The following ZDHHC3 variants were observed in gnomAD, a reference collection of about 807,000 sequenced individuals.
ZDHHC3 encodes zDHHC palmitoyltransferase 3.
A neutral mutation model predicts 30.6 loss-of-function variants in ZDHHC3; 9 were observed. The observed-to-expected ratio is 0.29, with a 90% CI of 0.18 to 0.51. The LOEUF (loss-of-function observed/expected upper bound fraction) is 0.51, where lower values mean the gene tolerates loss of function less well. Ranked by LOEUF, ZDHHC3 falls within the 20% of genes least tolerant of loss-of-function variation. The probability of loss-of-function intolerance (pLI) is 0.97; values close to 1 mark genes in which losing one functional copy is unlikely to be tolerated. For synonymous variants in ZDHHC3, 136 were observed against 140.2 expected, an observed-to-expected ratio of 0.97 and a Z score of 0.21; for missense variants, 246 against 384.2, an observed-to-expected ratio of 0.64 and a Z score of 3.01.
At chr3:44,941,477 A>G (rs2125854383) in intron 3 of ZDHHC3, among the ~76,000 whole-genome samples, 1 of 152,298 alleles carries the variant, frequency 6.6e-6, no homozygotes, top group South Asian at 2.1e-4. Flanking sequence ...TGCTTTAAAA[A>G]CAATACTAGT....
At chr3:44,973,070 A>G (rs1394386424) in intron 1 of ZDHHC3, among the ~76,000 whole-genome samples, 1 of 152,254 alleles carries the variant, frequency 6.6e-6, no homozygotes, top group Non-Finnish European at 1.5e-5. Flanking sequence ...GCAACATCCC[A>G]TCAGCACCAC....
chr3:44,920,369 C>A lies in ZDHHC3; in HGVS notation c.*6320G>T, dbSNP rs1575749837. ...AGAAAGAGGCTTTAACTTCATAGCA[C>A]GAGAGCTGGGACATCACCATATGGC... On this transcript the variant is annotated 3_prime_UTR_variant, in exon 7 of 7. Coordinates refer to ENST00000424952, the MANE Select transcript of ZDHHC3 (RefSeq NM_001135179.2). The A allele has an allele frequency of 1.6e-6, 2 of 1,289,348 alleles. No individual in the cohort carries two copies. The highest frequency in any genetic ancestry group is 2.0e-6 in the Non-Finnish European group (2 of 988,536). The allele number at this position is 1,289,348 out of a possible 1,614,324, so 79.9% of individuals were successfully genotyped here.
chr3:44,955,306 A>G (rs886207100), intron 2 of ZDHHC3, among the ~76,000 whole-genome samples: 1 of 152,082 alleles, frequency 6.6e-6, no homozygotes, highest in Non-Finnish European at 1.5e-5. Flanking sequence ...TTCAAGCTCT[A>G]TGTGGACCTA....
At position 44,960,563 on chromosome 3, in the gene ZDHHC3, G is replaced by C. The variant is rs116611036; in HGVS notation, c.-24-1103C>G. On this transcript the variant is annotated intron_variant, in intron 1 of 6. Coordinates refer to ENST00000424952, the MANE Select transcript of ZDHHC3 (RefSeq NM_001135179.2). ...TGTGCTGCAAGACACAGAAAGCATAGATTTCCCTTCTCTTCTTTTTTCTTA... is the reference window on the plus strand; with the variant it reads ...TGTGCTGCAAGACACAGAAAGCATACATTTCCCTTCTCTTCTTTTTTCTTA... Among the ~76,000 whole-genome samples the C allele has an allele frequency of 4.8e-3, 733 of 152,320 alleles. 5 individuals carry two copies. Among genetic ancestry groups the C allele is most frequent in the African/African-American group, 0.017 (705 of 41,560 alleles).
chr3:44,943,362 C>T (rs1559684124), intron 3 of ZDHHC3, among the ~76,000 whole-genome samples: 1 of 152,162 alleles, frequency 6.6e-6, no homozygotes, highest in Admixed American at 6.5e-5. Context: ...GCCATCCCTG[C>T]AGCAATCCCG....
chr3:44,962,207 T>C (rs896008010), intron 1 of ZDHHC3, among the ~76,000 whole-genome samples: 1 of 152,170 alleles, frequency 6.6e-6, no homozygotes, highest in Admixed American at 6.5e-5. Context: ...TCACTGAAAA[T>C]AAATTTTAGA....
In ZDHHC3 at chr3:44,975,010, T is replaced by C. The variant is rs1705771291; in HGVS notation, c.-25+923A>G. On this transcript the variant is annotated intron_variant, in intron 1 of 6. Coordinates refer to ENST00000424952, the MANE Select transcript of ZDHHC3 (RefSeq NM_001135179.2). ...AAGCCTATCTATAGTAGGCTCCCAA[T>C]AGTTATCTGAAACTGTATTTGAACC... is the stretch of plus-strand genomic sequence containing the variant. Among the ~76,000 whole-genome samples, 3 of 151,978 alleles carry C rather than the reference T, an allele frequency of 2.0e-5. No individual in the cohort carries two copies. In the South Asian group the frequency reaches 6.2e-4, roughly 32 times the overall value.
intron 2 of ZDHHC3, among the ~76,000 whole-genome samples, chr3:44,949,748 G>A (rs1176528059): frequency 1.3e-5 from 2 of 152,200 alleles, no homozygotes; most frequent in African/African-American, 2.4e-5. Flanking sequence ...AGACCACATG[G>A]CATAAGTGGA....
At chr3:44,949,622 T>G (rs79865438) in intron 2 of ZDHHC3, among the ~76,000 whole-genome samples, 5,139 of 152,298 alleles carry the variant, frequency 0.034, 246 homozygotes, top group African/African-American at 0.11. Context: ...TCAACTTTCC[T>G]GAGGCTTGTA....
intron 6 of ZDHHC3, among the ~76,000 whole-genome samples, 196 bp from the exon 7 acceptor site, chr3:44,927,043 G>A (rs1701051113): frequency 6.6e-6 from 1 of 152,178 alleles, no homozygotes; most frequent in Admixed American, 6.5e-5. Context: ...TCATTCACAA[G>A]TCCCTCCAAG....
In ZDHHC3 at chr3:44,924,184, G is replaced by C; in HGVS notation, c.*2505C>G. ...CAAGCCAAAAGTTGGGGCTGACTTT[G>C]TGTAGAAAGATGTCCTCTTTCATTA... On this transcript the variant is annotated 3_prime_UTR_variant, in exon 7 of 7. Coordinates refer to ENST00000424952, the MANE Select transcript of ZDHHC3 (RefSeq NM_001135179.2). The C allele has an allele frequency of 2.0e-6, 2 of 985,414 alleles. No individual in the cohort carries two copies. The highest frequency in any genetic ancestry group is 2.4e-6 in the Non-Finnish European group (2 of 829,930). 61.0% of individuals were successfully genotyped at this position (985,414 alleles called of 1,614,324 possible).
Position 44,976,152 on chromosome 3 carries a change from C to T in ZDHHC3, c.-244G>A, listed in dbSNP as rs949630964. 1.5e-5 allele frequency: 12 copies of T among 781,034 alleles called. No individual in the cohort carries two copies. The highest frequency in any genetic ancestry group is 4.3e-4 in the Middle Eastern group (1 of 2,310). The allele number at this position is 781,034 out of a possible 1,614,324, so 48.4% of individuals were successfully genotyped here. A position where few individuals can be genotyped will look rare whatever the true frequency, so the allele number is the denominator to read the frequency against. On this transcript the variant is annotated 5_prime_UTR_variant, in exon 1 of 7. Coordinates refer to ENST00000424952, the MANE Select transcript of ZDHHC3 (RefSeq NM_001135179.2). ...CCGGCAGTGGCGGCGGCCGCGGCTG[C>T]AGGAGCGGCCGCCGCGCAGGTTGAT...
Position 44,924,016 on chromosome 3 carries a change from A to G in ZDHHC3, c.*2673T>C, listed in dbSNP as rs1376702607. The G allele has an allele frequency of 2.0e-6, 2 of 985,334 alleles. No individual in the cohort carries two copies. Among genetic ancestry groups the G allele is most frequent in the African/African-American group, 1.7e-5 (1 of 57,240 alleles). 61.0% of individuals were successfully genotyped at this position (985,334 alleles called of 1,614,324 possible). On this transcript the variant is annotated 3_prime_UTR_variant, in exon 7 of 7. Coordinates refer to ENST00000424952, the MANE Select transcript of ZDHHC3 (RefSeq NM_001135179.2). Reference sequence around the variant, plus strand: ...AACCTGACAGAGTTGACAGAAGGAAAGCAAGCTGGGGATCACAATCCAACA... The same window carrying G: ...AACCTGACAGAGTTGACAGAAGGAAGGCAAGCTGGGGATCACAATCCAACA...
At chr3:44,973,731 T>C (rs1404994050) in intron 1 of ZDHHC3, among the ~76,000 whole-genome samples, 1 of 152,218 alleles carries the variant, frequency 6.6e-6, no homozygotes. Flanking sequence ...GTGCTGGGAT[T>C]ACAGATGTCA....
rs764018797 is a variant in ZDHHC3, at chr3:44,918,124, C to G, written c.*8565G>C. 1 of 1,304,756 alleles carries G rather than the reference C, an allele frequency of 7.7e-7. No homozygotes were observed. Among genetic ancestry groups the G allele is most frequent in the Non-Finnish European group, 1.0e-6 (1 of 988,620 alleles). The allele number at this position is 1,304,756 out of a possible 1,614,324, so 80.8% of individuals were successfully genotyped here. The stretch of plus-strand genomic sequence containing the variant: ...CATGTGCTCCCTGGGCTGGTTCTTT[C>G]GTTTGAGGCGCTCGATGCCCTGCAG... On this transcript the variant is annotated 3_prime_UTR_variant, in exon 7 of 7. Coordinates refer to ENST00000424952, the MANE Select transcript of ZDHHC3 (RefSeq NM_001135179.2).
chr3:44,921,248 G>C lies in ZDHHC3; in HGVS notation c.*5441C>G. 4 of 985,376 alleles carry C rather than the reference G, an allele frequency of 4.1e-6. No individual in the cohort carries two copies. The highest frequency in any genetic ancestry group is 4.8e-6 in the Non-Finnish European group (4 of 829,932). The allele number at this position is 985,376 out of a possible 1,614,324, so 61.0% of individuals were successfully genotyped here. ...TCCCGAGGAAGGAAGAGTCTGTGCA[G>C]AACAGACTCAGCTGAGCCCCACAGA... is the stretch of plus-strand genomic sequence containing the variant. On this transcript the variant is annotated 3_prime_UTR_variant, in exon 7 of 7. Coordinates refer to ENST00000424952, the MANE Select transcript of ZDHHC3 (RefSeq NM_001135179.2).
At chr3:44,939,945 T>C (rs761153318) in intron 3 of ZDHHC3, among the ~76,000 whole-genome samples, 14 of 152,036 alleles carry the variant, frequency 9.2e-5, no homozygotes, top group Non-Finnish European at 1.5e-4. Context: ...GGCCAGGTGG[T>C]ATGCAGAGTG....
chr3:44,924,170 T>A lies in ZDHHC3; in HGVS notation c.*2519A>T. 1 of 985,390 alleles carries A rather than the reference T, an allele frequency of 1.0e-6. No individual in the cohort carries two copies. Among genetic ancestry groups the A allele is most frequent in the Non-Finnish European group, 1.2e-6 (1 of 829,910 alleles). 61.0% of individuals were successfully genotyped at this position (985,390 alleles called of 1,614,324 possible). A position where few individuals can be genotyped will look rare whatever the true frequency, so the allele number is the denominator to read the frequency against. ...AGAACTCCTGTGACCAAGCCAAAAGTTGGGGCTGACTTTGTGTAGAAAGAT... is the reference window on the plus strand; with the variant it reads ...AGAACTCCTGTGACCAAGCCAAAAGATGGGGCTGACTTTGTGTAGAAAGAT... On this transcript the variant is annotated 3_prime_UTR_variant, in exon 7 of 7. Coordinates refer to ENST00000424952, the MANE Select transcript of ZDHHC3 (RefSeq NM_001135179.2).
At chr3:44,936,875 A>C (rs12498086) in intron 3 of ZDHHC3, among the ~76,000 whole-genome samples, 27,663 of 138,622 alleles carry the variant, frequency 0.2, 3,035 homozygotes, top group Admixed American at 0.27. Context: ...AAAAGTTAAA[A>C]CCCCCCCCCA....
Sources: allele counts gnomAD v4.1 joint callset (sites outside exome capture counted in the v4.1 genomes callset), GRCh38; gene constraint gnomAD v4.1.1; transcripts MANE v1.5; gene names NCBI Gene and HGNC (gene_info 2026-07-23, HGNC 2026-07-21).